The following KPNA3 variants were observed in gnomAD, a reference collection of about 807,000 sequenced individuals.
KPNA3 encodes karyopherin subunit alpha 3.
Under a neutral mutation model 73.8 loss-of-function variants are expected in KPNA3, and 13 were observed. The ratio of observed to expected loss-of-function variants is 0.18; its 90% CI spans 0.11 to 0.28. KPNA3 has a LOEUF of 0.28. Among genes scored for constraint, KPNA3 ranks in the 10% least tolerant of loss-of-function variants. KPNA3 has a pLI of 1.00. For missense variants in KPNA3, 360 were observed against 618.1 expected, an observed-to-expected ratio of 0.58 and a Z score of 4.43; for synonymous variants, 186 against 206.9, an observed-to-expected ratio of 0.90 and a Z score of 0.87.
chr13:49,718,672 T>C (rs1460231567), intron 10 of KPNA3, among the ~76,000 whole-genome samples: 1 of 152,218 alleles, frequency 6.6e-6, no homozygotes, highest in East Asian at 1.9e-4. Context: ...GTTAAGTCAC[T>C]TTATATCCAT....
chr13:49,770,462 G>A (rs1019839661), intron 1 of KPNA3, among the ~76,000 whole-genome samples: 60 of 151,928 alleles, frequency 3.9e-4, no homozygotes, highest in Non-Finnish European at 7.5e-4. Context: ...AGGTGTGAGC[G>A]AGCCACTATG....
intron 1 of KPNA3, among the ~76,000 whole-genome samples, chr13:49,791,529 T>C (rs1176267753): frequency 6.6e-6 from 1 of 152,124 alleles, no homozygotes; most frequent in Non-Finnish European, 1.5e-5. Context: ...GATGAATGTT[T>C]AGTTTTGCAA....
chr13:49,705,595 C>G (rs747369206), intron 15 of KPNA3, 26 bp downstream of exon 15: 15 of 1,604,730 alleles, frequency 9.3e-6, no homozygotes, highest in Non-Finnish European at 1.2e-5. Flanking sequence ...TGCTCAAATA[C>G]TCTTCTTCCA....
At chr13:49,760,824 T>C (rs2137582322) in intron 1 of KPNA3, among the ~76,000 whole-genome samples, 1 of 152,266 alleles carries the variant, frequency 6.6e-6, no homozygotes, top group Non-Finnish European at 1.5e-5. Context: ...TCACTCTCAA[T>C]GTGGGTGGGC....
At position 49,762,127 on chromosome 13, in the gene KPNA3, G is replaced by A. The variant is rs1297831160; in HGVS notation, c.70-15134C>T. ...GGAGGTGGGGGGCAGCCCCCGCCCG[G>A]CCAGCCTCCCCGTCCGGGAGGGAGG... On this transcript the variant is annotated intron_variant, in intron 1 of 16. Transcript: ENST00000261667. 1.4e-3 allele frequency among the ~76,000 whole-genome samples: 158 copies of A among 115,530 alleles called. 3 individuals carry two copies. The highest frequency in any genetic ancestry group is 6.1e-3 in the African/African-American group (147 of 24,088). The allele number at this position is 115,530 out of a possible 152,430, so 75.8% of individuals were successfully genotyped here. A position where few individuals can be genotyped will look rare whatever the true frequency, so the allele number is the denominator to read the frequency against.
At chr13:49,765,046 C>T (rs1954798093) in intron 1 of KPNA3, among the ~76,000 whole-genome samples, 1 of 151,274 alleles carries the variant, frequency 6.6e-6, no homozygotes, top group Non-Finnish European at 1.5e-5. Context: ...GGTCTTCCTC[C>T]TTCATCCATC....
chr13:49,725,535 C>A (rs1443171528), intron 6 of KPNA3, 34 bp from the exon 7 acceptor site: 1 of 1,297,462 alleles, frequency 7.7e-7, no homozygotes, highest in Non-Finnish European at 1.1e-6. Flanking sequence ...TTTTTAGACA[C>A]ATAACTACCA....
intron 1 of KPNA3, among the ~76,000 whole-genome samples, chr13:49,763,192 G>A (rs1198216417): frequency 6.6e-6 from 1 of 152,018 alleles, no homozygotes. Flanking sequence ...GAAATGACCA[G>A]ATCTGAAAAA....
At position 49,710,896 on chromosome 13, in the gene KPNA3, C is replaced by G; in HGVS notation, c.898G>C (p.Val300Leu). 1 of 1,611,842 alleles carries G rather than the reference C, an allele frequency of 6.2e-7. No individual in the cohort carries two copies. The highest frequency in any genetic ancestry group is 8.5e-7 in the Non-Finnish European group (1 of 1,179,374). The change falls in exon 11 of 17, where the codon GTT (valine) becomes CTT (leucine). Residue 300 changes from valine (V) to leucine (L), a missense_variant. Val to Leu is a conservative substitution (Grantham distance 32). This residue lies in a region of KPNA3 where 287 missense variants were observed against 549.1 expected (regional missense o/e 0.52). Coordinates refer to ENST00000261667, the MANE Select transcript of KPNA3 (RefSeq NM_002267.4). ...AAAAATTTAAAAATACTTACTTGAACTTTGACTTCCTGATGGCTCAGAAGG... is the reference window on the plus strand; with the variant it reads ...AAAAATTTAAAAATACTTACTTGAAGTTTGACTTCCTGATGGCTCAGAAGG... ...VPLLSHQEVK[V>L]QTAALRAVGN...
At position 49,733,055 on chromosome 13, in the gene KPNA3, C is replaced by T. The variant is rs1039935891; in HGVS notation, c.115-9G>A. 6 of 1,565,948 alleles carry T rather than the reference C, an allele frequency of 3.8e-6. No individual in the cohort carries two copies. Among genetic ancestry groups the T allele is most frequent in the Non-Finnish European group, 5.3e-6 (6 of 1,138,762 alleles). The stretch of plus-strand genomic sequence containing the variant: ...TGTTCATCTCTTTTGTTCTGAAAGG[C>T]AACCAATAAATGCTTAAGAAGTCAT... On this transcript the variant is annotated splice_polypyrimidine_tract_variant and intron_variant, in intron 2 of 16. Transcript: ENST00000261667.
chr13:49,740,724 T>C (rs529893556), intron 2 of KPNA3, among the ~76,000 whole-genome samples: 1 of 152,326 alleles, frequency 6.6e-6, no homozygotes, highest in Admixed American at 6.5e-5. Context: ...CAATATACCA[T>C]GTTCTACAGT....
At chr13:49,722,169 T>G (rs1954365922) in intron 8 of KPNA3, 45 bp from the exon 9 acceptor site, 1 of 1,307,758 alleles carries the variant, frequency 7.6e-7, no homozygotes, top group Non-Finnish European at 1.0e-6. Context: ...ACATTCAGGA[T>G]GAGAAAGTCT....
In KPNA3 at chr13:49,734,934, T is replaced by TAGAG. The variant is rs1345135818; in HGVS notation, c.115-1889_115-1888insCTCT. 1.6e-4 allele frequency among the ~76,000 whole-genome samples: 15 copies of TAGAG among 93,450 alleles called. No homozygotes were observed. In the East Asian group the frequency reaches 3.1e-3, roughly 19 times the overall value. The allele number at this position is 93,450 out of a possible 152,430, so 61.3% of individuals were successfully genotyped here. A position where few individuals can be genotyped will look rare whatever the true frequency, so the allele number is the denominator to read the frequency against. On this transcript the variant is annotated intron_variant, in intron 2 of 16. Coordinates refer to ENST00000261667, the MANE Select transcript of KPNA3 (RefSeq NM_002267.4). ...ATATATACACACACATATATATATA[T>TAGAG]ATATAGAGAGAGAGATAGATAGAGA...
intron 1 of KPNA3, among the ~76,000 whole-genome samples, chr13:49,756,751 A>C (rs1457783146): frequency 2.0e-5 from 3 of 152,252 alleles, no homozygotes; most frequent in Non-Finnish European, 4.4e-5. Flanking sequence ...TAGAATAGTT[A>C]AAACAATTCT....
At chr13:49,706,886 C>G (rs1954212626) in intron 12 of KPNA3, among the ~76,000 whole-genome samples, 1 of 151,972 alleles carries the variant, frequency 6.6e-6, no homozygotes, top group Non-Finnish European at 1.5e-5. Context: ...GTAGCTGGGA[C>G]TACAGGCACC....
At chr13:49,758,176 C>CA (rs1409258370) in intron 1 of KPNA3, among the ~76,000 whole-genome samples, 1 of 151,826 alleles carries the variant, frequency 6.6e-6, no homozygotes, top group African/African-American at 2.4e-5. Context: ...TATACTAAAA[C>CA]AAAAAATAAA....
At chr13:49,702,524 G>A (rs758533925) in intron 15 of KPNA3, 44 bp from the exon 16 acceptor site, 2 of 1,024,652 alleles carry the variant, frequency 2.0e-6, no homozygotes, top group Non-Finnish European at 3.0e-6. Flanking sequence ...AATTGATAAG[G>A]AGATACTAAT....
Position 49,701,428 on chromosome 13 carries a change from T to TG in KPNA3, c.*371_*372insC. 1 of 470,502 alleles carries TG rather than the reference T, an allele frequency of 2.1e-6. No homozygotes were observed. The highest frequency in any genetic ancestry group is 4.4e-6 in the Non-Finnish European group (1 of 227,230). The allele number at this position is 470,502 out of a possible 1,614,324, so 29.1% of individuals were successfully genotyped here. A position where few individuals can be genotyped will look rare whatever the true frequency, so the allele number is the denominator to read the frequency against. On this transcript the variant is annotated 3_prime_UTR_variant, in exon 17 of 17. Coordinates refer to ENST00000261667, the MANE Select transcript of KPNA3 (RefSeq NM_002267.4). ...TGTATATGCATCATACCAAAGTGTC[T>TG]TGATCCACAGCGCACCATTTTCCAA...
At chr13:49,716,698 A>G (rs1954307234) in intron 10 of KPNA3, among the ~76,000 whole-genome samples, 1 of 152,132 alleles carries the variant, frequency 6.6e-6, no homozygotes, top group Non-Finnish European at 1.5e-5. Context: ...TCAGCCTTCC[A>G]AAGTGCTAGG....
Sources: gnomAD v4.1 joint callset for allele counts (sites outside exome capture counted in the v4.1 genomes callset) on GRCh38, gnomAD v4.1.1 for gene constraint, gnomAD v4.1.1 regional missense constraint, MANE v1.5 for transcripts, NCBI Gene and HGNC (gene_info 2026-07-23, HGNC 2026-07-21) for gene names.